Variants in NUDT13 observed in about 807,000 individuals in gnomAD.
NUDT13 encodes the protein nudix hydrolase 13.
NUDT13 carries 40 observed loss-of-function variants against 41.7 expected under a neutral mutation model. The observed-to-expected ratio is 0.96, with a 90% confidence interval of 0.75 to 1.25. NUDT13 has a LOEUF of 1.25. Ranked by LOEUF, NUDT13 falls within the 50% of genes most tolerant of loss-of-function variation. The pLI is 0.00. For missense variants in NUDT13, 390 were observed against 416.1 expected (o/e 0.94, Z 0.55); for synonymous variants, 145 against 155.5 (o/e 0.93, Z 0.50).
chr10:73,114,028 C>T (rs923886564), intron 1 of NUDT13, among the ~76,000 whole-genome samples: 2 of 152,136 alleles, frequency 1.3e-5, no homozygotes, highest in African/African-American at 2.4e-5. Flanking sequence ...TGTGAATTTG[C>T]ATAGCTGCCT....
chr10:73,116,761 C>A (rs1355275545), intron 2 of NUDT13, among the ~76,000 whole-genome samples: 1 of 151,590 alleles, frequency 6.6e-6, no homozygotes, highest in South Asian at 2.1e-4. Context: ...AAATTAGAAG[C>A]ACATAAGCAT....
Position 73,122,286 on chromosome 10 carries a change from T to G in NUDT13, c.335T>G (p.Leu112Arg), listed in dbSNP as rs149066778. ...QEAWFALDLGLDSSFSISASL... is the reference protein window; with the variant it reads ...QEAWFALDLGRDSSFSISASL... ...GCATGGTTTGCTCTGGATCTAGGTC[T>G]GGATAGCTCCTTTTCCATAAGTGGT... The change falls in exon 4 of 9, where the codon CTG (leucine) becomes CGG (arginine). Residue 112 changes from leucine (L) to arginine (R), a missense_variant. Leu to Arg is a moderately radical substitution (Grantham distance 102). Coordinates refer to ENST00000357321, the MANE Select transcript of NUDT13 (RefSeq NM_015901.6). 2.8e-3 allele frequency: 4,504 copies of G among 1,613,908 alleles called. 12 individuals carry two copies. The highest frequency in any genetic ancestry group is 3.5e-3 in the Non-Finnish European group (4,084 of 1,179,884).
chr10:73,112,493 A>C (rs913583732), intron 1 of NUDT13, among the ~76,000 whole-genome samples: 3 of 151,990 alleles, frequency 2.0e-5, no homozygotes, highest in African/African-American at 7.2e-5. Flanking sequence ...TTAAGGTATA[A>C]TATTAAGGTA....
In NUDT13 at chr10:73,114,599, A is replaced by G. The variant is rs544313132; in HGVS notation, c.83+151A>G. 831 of 219,408 alleles carry G rather than the reference A, an allele frequency of 3.8e-3. 4 individuals are homozygous for G. The highest frequency in any genetic ancestry group is 5.9e-3 in the Non-Finnish European group (674 of 115,174). 13.6% of individuals were successfully genotyped at this position (219,408 alleles called of 1,614,324 possible). ...TGTGTGTGTATATGTGTGTGTGTGT[A>G]TATATATATATTCATATATATATAT... On this transcript the variant is annotated intron_variant, in intron 2 of 8. Transcript: ENST00000357321.
chr10:73,130,547 G>A, intron 8 of NUDT13, 156 bp from the exon 9 acceptor site: 1 of 575,270 alleles, frequency 1.7e-6, no homozygotes, highest in South Asian at 1.9e-5. Flanking sequence ...TTTTGCTTCT[G>A]GGCAGTATCT....
At position 73,112,491 on chromosome 10, in the gene NUDT13, T is replaced by C. The variant is rs534190437; in HGVS notation, c.-9-1866T>C. Among the ~76,000 whole-genome samples the C allele has an allele frequency of 5.9e-5, 9 of 152,154 alleles. No homozygotes were observed. The East Asian group carries it at 1.7e-3, about 29-fold the overall frequency. Reference sequence around the variant, plus strand: ...TTTTTTCTCCAGCTTTATTAAGGTATAATATTAAGGTATTAAAGTATAATA... The same window carrying C: ...TTTTTTCTCCAGCTTTATTAAGGTACAATATTAAGGTATTAAAGTATAATA... On this transcript the variant is annotated intron_variant, in intron 1 of 8. Transcript: ENST00000357321.
intron 1 of NUDT13, among the ~76,000 whole-genome samples, chr10:73,113,068 G>A (rs1034712067): frequency 6.6e-6 from 1 of 152,052 alleles, no homozygotes; most frequent in African/African-American, 2.4e-5. Context: ...TGTATTTTTA[G>A]TAGAGATGGG....
chr10:73,115,866 A>C (rs1279047504), intron 2 of NUDT13, among the ~76,000 whole-genome samples: 1 of 152,194 alleles, frequency 6.6e-6, no homozygotes, highest in Non-Finnish European at 1.5e-5. Context: ...GAAGATGATA[A>C]AGACTTTTTT....
At chr10:73,115,964 A>G (rs1168318741) in intron 2 of NUDT13, among the ~76,000 whole-genome samples, 1 of 152,086 alleles carries the variant, frequency 6.6e-6, no homozygotes, top group Non-Finnish European at 1.5e-5. Flanking sequence ...TATACCATCT[A>G]TGTGGTGTGG....
chr10:73,125,363 G>A (rs762171097), intron 6 of NUDT13, 35 bp from the exon 7 acceptor site: 2 of 1,611,352 alleles, frequency 1.2e-6, no homozygotes, highest in Non-Finnish European at 1.7e-6. Context: ...AGGGCCCAAA[G>A]TGCCAGCATC....
intron 8 of NUDT13, among the ~76,000 whole-genome samples, chr10:73,127,169 A>G (rs1842809516): frequency 1.3e-5 from 2 of 152,244 alleles, no homozygotes; most frequent in South Asian, 4.2e-4. Flanking sequence ...TCACGAGGTC[A>G]GGAGTTCAAG....
intron 4 of NUDT13, among the ~76,000 whole-genome samples, chr10:73,122,745 AT>A (rs58913434): frequency 0.11 from 15,525 of 139,396 alleles, 1,146 homozygotes; most frequent in East Asian, 0.31. Context: ...CTAATTTTTA[AT>A]TTTTTTTTTT....
intron 2 of NUDT13, among the ~76,000 whole-genome samples, chr10:73,114,679 T>C (rs4498900): frequency 0.048 from 7,216 of 151,590 alleles, 544 homozygotes; most frequent in African/African-American, 0.16. Flanking sequence ...CAGTCTTTTG[T>C]TATAATGTGG....
chr10:73,129,162 G>A (rs1421876796), intron 8 of NUDT13, among the ~76,000 whole-genome samples: 1 of 143,488 alleles, frequency 7.0e-6, no homozygotes, highest in East Asian at 2.1e-4. Flanking sequence ...AACTTAAGAC[G>A]TTGTCTTTTT....
At chr10:73,117,113 G>A (rs1210480004) in intron 2 of NUDT13, among the ~76,000 whole-genome samples, 1 of 150,876 alleles carries the variant, frequency 6.6e-6, no homozygotes, top group African/African-American at 2.4e-5. Flanking sequence ...TGGATCTCTT[G>A]ACCTTGTGAT....
At chr10:73,113,293 T>G (rs761533888) in intron 1 of NUDT13, among the ~76,000 whole-genome samples, 2 of 152,216 alleles carry the variant, frequency 1.3e-5, no homozygotes, top group Non-Finnish European at 2.9e-5. Context: ...AACATGGAAT[T>G]GCTGAGGAAA....
Position 73,125,205 on chromosome 10 carries a change from C to T in NUDT13, c.553C>T (p.Arg185Cys), listed in dbSNP as rs760862650. 4.3e-6 allele frequency: 7 copies of T among 1,612,992 alleles called. No individual in the cohort carries two copies. The highest frequency in any genetic ancestry group is 1.7e-4 in the Middle Eastern group (1 of 6,046). The change falls in exon 6 of 9, where the codon CGT becomes TGT. Residue 185 changes from arginine (R) to cysteine (C), a missense_variant. Coordinates refer to ENST00000357321, the MANE Select transcript of NUDT13 (RefSeq NM_015901.6). ...CAAGAAGAACGTGGCTGGCAGCAAG[C>T]GTGTGTGCCCTTCCAATAATATAAT... ...PTKKNVAGSK[R>C]VCPSNNIIYY...
At chr10:73,117,512 G>C (rs535979251) in intron 2 of NUDT13, among the ~76,000 whole-genome samples, 1 of 149,202 alleles carries the variant, frequency 6.7e-6, no homozygotes, top group South Asian at 2.1e-4. Flanking sequence ...AGCCAAGATC[G>C]TGCCACTGCA....
chr10:73,124,375 AAATC>A, intron 5 of NUDT13, 55 bp downstream of exon 5: 3 of 1,196,960 alleles, frequency 2.5e-6, no homozygotes, highest in South Asian at 1.2e-5. Flanking sequence ...AAGTGTGGGC[AAATC>A]CATGTGTACA....
Sources: gnomAD v4.1 joint callset for allele counts (sites outside exome capture counted in the v4.1 genomes callset) on GRCh38, gnomAD v4.1.1 for gene constraint, MANE v1.5 for transcripts, NCBI Gene and HGNC (gene_info 2026-07-23, HGNC 2026-07-21) for gene names.